The following STPG2 variants were observed in gnomAD, a reference collection of about 807,000 sequenced individuals.
STPG2 encodes the protein sperm-tail PG-rich repeat-containing protein 2.
In STPG2, 56 loss-of-function variants were observed where a neutral mutation model predicts 54.2. That is an observed-to-expected ratio of 1.03 (90% CI 0.83 to 1.29). The LOEUF (loss-of-function observed/expected upper bound fraction) is 1.29. Ranked by LOEUF, STPG2 falls within the 50% of genes most tolerant of loss-of-function variation. The probability of loss-of-function intolerance (pLI) is 0.00; values close to 1 mark genes in which losing one functional copy is unlikely to be tolerated. For missense variants in STPG2, 596 were observed against 544.9 expected (o/e 1.09, Z -0.93); for synonymous variants, 200 against 181.8 (o/e 1.10, Z -0.81).
intron 4 of STPG2, among the ~76,000 whole-genome samples, chr4:97,456,710 A>G (rs1053721997): frequency 3.9e-5 from 6 of 151,946 alleles, no homozygotes; most frequent in Non-Finnish European, 8.8e-5. Context: ...CCTGGCTAAC[A>G]TGGTGAAACC....
intron 4 of STPG2, among the ~76,000 whole-genome samples, chr4:97,443,466 C>A (rs2148791908): frequency 6.6e-6 from 1 of 152,146 alleles, no homozygotes; most frequent in African/African-American, 2.4e-5. Context: ...AGAGTAGCAG[C>A]TAAAGATATA....
intron 3 of STPG2, among the ~76,000 whole-genome samples, chr4:98,117,434 G>A (rs1739552319): frequency 6.6e-6 from 1 of 151,884 alleles, no homozygotes; most frequent in Admixed American, 6.6e-5. Flanking sequence ...AGAGTTTGTT[G>A]AGCTTCTTCT....
intron 5 of STPG2, among the ~76,000 whole-genome samples, chr4:98,083,275 T>G (rs1371700984): frequency 6.6e-6 from 1 of 152,190 alleles, no homozygotes; most frequent in Non-Finnish European, 1.5e-5. Flanking sequence ...TAAATTCTGA[T>G]GAAAAGATAA....
intron 10 of STPG2, among the ~76,000 whole-genome samples, chr4:97,637,578 G>A (rs1012759834): frequency 1.3e-5 from 2 of 152,138 alleles, no homozygotes; most frequent in Non-Finnish European, 2.9e-5. Context: ...TGACATGATT[G>A]TATATCTAGA....
intron 5 of STPG2, among the ~76,000 whole-genome samples, chr4:98,018,457 G>T (rs1006711518): frequency 4.6e-5 from 7 of 152,170 alleles, no homozygotes; most frequent in African/African-American, 1.4e-4. Flanking sequence ...TTGCGATTGT[G>T]AGTAGTGCCA....
intron 10 of STPG2, among the ~76,000 whole-genome samples, chr4:97,623,496 G>GA (rs1384245061): frequency 5.3e-5 from 8 of 151,924 alleles, no homozygotes; most frequent in Non-Finnish European, 1.0e-4. Context: ...ACAAGCATAT[G>GA]AAAAAAATGC....
At chr4:97,839,468 A>G (rs2149120255) in intron 9 of STPG2, among the ~76,000 whole-genome samples, 1 of 151,744 alleles carries the variant, frequency 6.6e-6, no homozygotes, top group Middle Eastern at 3.4e-3. Flanking sequence ...TACTCAACAT[A>G]ATTTACTTCA....
At position 97,682,419 on chromosome 4, in the gene STPG2, G is replaced by A. The variant is rs956077917; in HGVS notation, c.1320+30280C>T. Among the ~76,000 whole-genome samples, 3 of 151,820 alleles carry A rather than the reference G, an allele frequency of 2.0e-5. No individual in the cohort carries two copies. In the East Asian group the frequency reaches 5.8e-4, roughly 29 times the overall value. On this transcript the variant is annotated intron_variant, in intron 10 of 10. Transcript: ENST00000295268. ...CACAAAGACAACCATGTAATGTTATGTTTCTAGCTTCCTGTAACCATCTGG... is the reference window on the plus strand; with the variant it reads ...CACAAAGACAACCATGTAATGTTATATTTCTAGCTTCCTGTAACCATCTGG...
intron 4 of STPG2, among the ~76,000 whole-genome samples, chr4:97,500,145 T>C (rs1292966693): frequency 1.3e-5 from 2 of 151,920 alleles, no homozygotes; most frequent in Non-Finnish European, 2.9e-5. Flanking sequence ...AAGATGATGA[T>C]AGTGGTAGCA....
chr4:98,004,004 GTGTA>G (rs1048065712), intron 5 of STPG2, among the ~76,000 whole-genome samples: 2 of 148,628 alleles, frequency 1.3e-5, no homozygotes, highest in African/African-American at 2.5e-5. Flanking sequence ...ACGTGTGTGT[GTGTA>G]TGTGTGTGTG....
chr4:97,648,519 A>T (rs2148951338), intron 10 of STPG2, among the ~76,000 whole-genome samples: 1 of 152,278 alleles, frequency 6.6e-6, no homozygotes, highest in East Asian at 1.9e-4. Flanking sequence ...TGCTTAAGGT[A>T]TGCTGAACAC....
chr4:98,123,915 T>C (rs1739756673), intron 3 of STPG2, among the ~76,000 whole-genome samples: 2 of 152,246 alleles, frequency 1.3e-5, no homozygotes, highest in Admixed American at 1.3e-4. Flanking sequence ...TCTTGTTGAC[T>C]TGAATCCTTT....
intron 8 of STPG2, among the ~76,000 whole-genome samples, chr4:97,921,950 T>C (rs145322669): frequency 1.1e-4 from 16 of 152,242 alleles, no homozygotes; most frequent in African/African-American, 3.9e-4. Context: ...TGATTTCACT[T>C]ATATGTTGAA....
intron 9 of STPG2, among the ~76,000 whole-genome samples, chr4:97,837,329 A>G (rs961236617): frequency 2.0e-5 from 3 of 151,662 alleles, no homozygotes; most frequent in African/African-American, 7.2e-5. Flanking sequence ...TTTCAACACA[A>G]TGTATGAGGC....
intron 10 of STPG2, among the ~76,000 whole-genome samples, chr4:97,587,921 A>G (rs191392877): frequency 6.6e-6 from 1 of 152,154 alleles, no homozygotes; most frequent in Non-Finnish European, 1.5e-5. Flanking sequence ...TTAATTTCAG[A>G]ATCCCATTCA....
At chr4:97,956,961 A>T (rs1733695391) in intron 7 of STPG2, among the ~76,000 whole-genome samples, 1 of 152,160 alleles carries the variant, frequency 6.6e-6, no homozygotes, top group Admixed American at 6.5e-5. Flanking sequence ...CCAGCAATGG[A>T]TCCAAACCAA....
At chr4:97,599,700 C>T (rs1733404322) in intron 10 of STPG2, among the ~76,000 whole-genome samples, 1 of 151,364 alleles carries the variant, frequency 6.6e-6, no homozygotes, top group African/African-American at 2.4e-5. Flanking sequence ...GGCGGGCACC[C>T]ATAGTCCCAG....
chr4:97,641,091 CCTTT>C (rs1053443179), intron 10 of STPG2, among the ~76,000 whole-genome samples: 6 of 151,520 alleles, frequency 4.0e-5, no homozygotes, highest in Non-Finnish European at 8.9e-5. Context: ...AAGCTCTCAC[CCTTT>C]CTATTTGATA....
intron 10 of STPG2, among the ~76,000 whole-genome samples, chr4:97,698,667 A>G (rs1455628195): frequency 6.6e-6 from 1 of 152,062 alleles, no homozygotes; most frequent in Non-Finnish European, 1.5e-5. Flanking sequence ...AATCCTGGCT[A>G]TGGGAGAAAC....
Sources: allele counts gnomAD v4.1 joint callset (sites outside exome capture counted in the v4.1 genomes callset), GRCh38; gene constraint gnomAD v4.1.1; transcripts MANE v1.5; gene names NCBI Gene and HGNC (gene_info 2026-07-23, HGNC 2026-07-21).